The following SYT10 variants were observed in gnomAD, a reference collection of about 807,000 sequenced individuals.
The protein encoded by SYT10 is synaptotagmin 10, also known as synaptotagmin-10.
SYT10 carries 31 observed loss-of-function variants against 51.1 expected under a neutral mutation model. That is an observed-to-expected ratio of 0.61 (90% confidence interval 0.46 to 0.82). SYT10 has a LOEUF of 0.82. Among genes scored for constraint, SYT10 ranks in the 40% least tolerant of loss-of-function variants. The pLI, the probability that SYT10 is intolerant of heterozygous loss-of-function variation, is 0.00. For missense variants in SYT10, 603 were observed against 634.0 expected (o/e 0.95, Z 0.53); for synonymous variants, 233 against 225.9 (o/e 1.03, Z -0.28).
chr12:33,410,838 G>GA (rs956408229), intron 2 of SYT10, among the ~76,000 whole-genome samples: 1 of 152,012 alleles, frequency 6.6e-6, no homozygotes, highest in Admixed American at 6.6e-5. Flanking sequence ...TAAAAGATGG[G>GA]AAAAAATACA....
intron 1 of SYT10, among the ~76,000 whole-genome samples, chr12:33,433,052 G>A (rs1001112333): frequency 2.0e-5 from 3 of 152,166 alleles, no homozygotes; most frequent in South Asian, 4.2e-4. Flanking sequence ...TACTTAGGAT[G>A]TATTTAACAT....
intron 1 of SYT10, among the ~76,000 whole-genome samples, chr12:33,435,554 A>G (rs1384800853): frequency 6.6e-6 from 1 of 152,206 alleles, no homozygotes; most frequent in African/African-American, 2.4e-5. Context: ...CTGTGGCTCC[A>G]TTATTCTTTT....
At chr12:33,434,826 GTAAA>G (rs1372301330) in intron 1 of SYT10, among the ~76,000 whole-genome samples, 1 of 151,982 alleles carries the variant, frequency 6.6e-6, no homozygotes, top group Admixed American at 6.6e-5. Context: ...AATAAAAATA[GTAAA>G]TAAATAAAGT....
intron 3 of SYT10, among the ~76,000 whole-genome samples, chr12:33,392,111 C>T (rs978426390): frequency 1.3e-4 from 20 of 152,192 alleles, no homozygotes; most frequent in African/African-American, 4.3e-4. Context: ...GGATACTTAT[C>T]TATTAGTTTT....
chr12:33,431,085 C>T (rs1384090266), intron 1 of SYT10, among the ~76,000 whole-genome samples: 1 of 152,152 alleles, frequency 6.6e-6, no homozygotes, highest in East Asian at 1.9e-4. Context: ...ATTCAAAGGT[C>T]TTTGCTTCTC....
At chr12:33,390,083 A>T (rs11832934) in intron 3 of SYT10, among the ~76,000 whole-genome samples, 3,098 of 152,338 alleles carry the variant, frequency 0.02, 101 homozygotes, top group African/African-American at 0.072. Flanking sequence ...TGAGAACTAA[A>T]TAACATATAT....
chr12:33,389,951 T>C (rs1336743364), intron 3 of SYT10, among the ~76,000 whole-genome samples: 1 of 152,230 alleles, frequency 6.6e-6, no homozygotes, highest in Non-Finnish European at 1.5e-5. Context: ...GAATTTAACC[T>C]TGAACAAGCT....
chr12:33,408,125 T>C lies in SYT10; in HGVS notation c.510-769A>G, dbSNP rs1565495643. The C allele has an allele frequency of 3.3e-5, 5 of 152,350 alleles. No homozygotes were observed. The South Asian group carries it at 8.3e-4, about 25-fold the overall frequency. The allele number at this position is 152,350 out of a possible 1,614,324, so 9.4% of individuals were successfully genotyped here. A position where few individuals can be genotyped will look rare whatever the true frequency, so the allele number is the denominator to read the frequency against. ...TTCTTTTCACCTGGATATTTGAGTC[T>C]CATGAATTTCACATTTTAGTGACTA... On this transcript the variant is annotated intron_variant, in intron 2 of 6. Transcript: ENST00000228567.
At chr12:33,424,887 G>A (rs1866537543) in intron 2 of SYT10, among the ~76,000 whole-genome samples, 1 of 151,800 alleles carries the variant, frequency 6.6e-6, no homozygotes, top group African/African-American at 2.4e-5. Flanking sequence ...AAAATATGAG[G>A]CATTCCTTAG....
At chr12:33,418,786 G>C (rs543632170) in intron 2 of SYT10, among the ~76,000 whole-genome samples, 1 of 152,206 alleles carries the variant, frequency 6.6e-6, no homozygotes, top group East Asian at 1.9e-4. Context: ...ATCACCTCTG[G>C]CCTGGATTAG....
chr12:33,413,527 T>C (rs1055085637), intron 2 of SYT10, among the ~76,000 whole-genome samples: 11 of 152,286 alleles, frequency 7.2e-5, no homozygotes, highest in African/African-American at 2.4e-4. Flanking sequence ...GGGGCCAATA[T>C]TCAACATTCT....
Position 33,380,878 on chromosome 12 carries a change from C to A in SYT10, c.1371-917G>T, listed in dbSNP as rs180802304. 3.4e-3 allele frequency among the ~76,000 whole-genome samples: 518 copies of A among 152,242 alleles called. 1 individual carries two copies. Among genetic ancestry groups the A allele is most frequent in the African/African-American group, 0.012 (491 of 41,554 alleles). On this transcript the variant is annotated intron_variant, in intron 5 of 6. Coordinates refer to ENST00000228567, the MANE Select transcript of SYT10 (RefSeq NM_198992.4). ...ATTTTGACAGACATCTCCAAAGATACTTTTGAGATGATTTTAGAACAATTT... is the reference window on the plus strand; with the variant it reads ...ATTTTGACAGACATCTCCAAAGATAATTTTGAGATGATTTTAGAACAATTT...
intron 1 of SYT10, among the ~76,000 whole-genome samples, chr12:33,434,070 C>G (rs1330478062): frequency 1.3e-5 from 2 of 152,148 alleles, no homozygotes; most frequent in Non-Finnish European, 2.9e-5. Context: ...TCTCCTGCCA[C>G]TTTCTACTTA....
At chr12:33,397,323 C>T (rs1206150918) in intron 3 of SYT10, among the ~76,000 whole-genome samples, 1 of 152,016 alleles carries the variant, frequency 6.6e-6, no homozygotes, top group Non-Finnish European at 1.5e-5. Flanking sequence ...GGAGTGGTAA[C>T]AGCAGAGGCT....
chr12:33,385,794 C>T (rs1025573878), intron 3 of SYT10, among the ~76,000 whole-genome samples: 2 of 152,222 alleles, frequency 1.3e-5, no homozygotes, highest in African/African-American at 4.8e-5. Flanking sequence ...GATTACTTCA[C>T]TAGCCTCTAA....
chr12:33,421,069 A>T (rs1866499262), intron 2 of SYT10, among the ~76,000 whole-genome samples: 1 of 152,154 alleles, frequency 6.6e-6, no homozygotes, highest in African/African-American at 2.4e-5. Context: ...GAGAAATTTA[A>T]TTTTTTAAAA....
chr12:33,377,107 T>C (rs537258739), intron 6 of SYT10, among the ~76,000 whole-genome samples: 92 of 152,314 alleles, frequency 6.0e-4, no homozygotes, highest in African/African-American at 2.0e-3. Flanking sequence ...AGGCAGAGCA[T>C]GGTACACAGA....
chr12:33,417,048 G>A (rs980037597), intron 2 of SYT10, among the ~76,000 whole-genome samples: 5 of 152,114 alleles, frequency 3.3e-5, no homozygotes, highest in Non-Finnish European at 7.4e-5. Flanking sequence ...AGTAAAATGG[G>A]AAGTAAGGTA....
At chr12:33,427,480 T>G (rs1361563072) in intron 1 of SYT10, among the ~76,000 whole-genome samples, 1 of 152,156 alleles carries the variant, frequency 6.6e-6, no homozygotes, top group Non-Finnish European at 1.5e-5. Flanking sequence ...TGGGTCAAGA[T>G]TCCATCATAA....
Sources: gnomAD v4.1 joint callset for allele counts (sites outside exome capture counted in the v4.1 genomes callset) on GRCh38, gnomAD v4.1.1 for gene constraint, MANE v1.5 for transcripts, NCBI Gene and HGNC (gene_info 2026-07-23, HGNC 2026-07-21) for gene names.